The following LCOR variants were observed in gnomAD, a reference collection of about 807,000 sequenced individuals.
LCOR encodes ligand-dependent corepressor.
LCOR carries 14 observed loss-of-function variants against 64.4 expected under a neutral mutation model. The observed-to-expected ratio is 0.22, with a 90% confidence interval of 0.14 to 0.34. The LOEUF (loss-of-function observed/expected upper bound fraction) is 0.34. Ranked by LOEUF, LCOR falls within the 10% of genes least tolerant of loss-of-function variation. The pLI, the probability that LCOR is intolerant of heterozygous loss-of-function variation, is 1.00. For missense variants in LCOR, 1,686 were observed against 1,765.3 expected (o/e 0.96, Z 0.80); for synonymous variants, 643 against 642.5 (o/e 1.00, Z -0.01).
chr10:96,971,997 C>T (rs969786577), intron 7 of LCOR, among the ~76,000 whole-genome samples: 2 of 151,946 alleles, frequency 1.3e-5, no homozygotes, highest in Non-Finnish European at 2.9e-5. Context: ...GTTCTACCCC[C>T]AGAACATCTC....
Position 96,896,538 on chromosome 10 carries a change from C to T in LCOR, c.-329-10727C>T, listed in dbSNP as rs567635792. On this transcript the variant is annotated intron_variant, in intron 2 of 7. Coordinates refer to ENST00000421806, the MANE Select transcript of LCOR (RefSeq NM_001346516.2). ...ACCCAGGCTCAAGCGATTCTCCCGCCTCAGCCTCCCAAGTAGCTGGGACTA... is the reference window on the plus strand; with the variant it reads ...ACCCAGGCTCAAGCGATTCTCCCGCTTCAGCCTCCCAAGTAGCTGGGACTA... Among the ~76,000 whole-genome samples the T allele has an allele frequency of 1.1e-4, 16 of 152,202 alleles. No individual in the cohort carries two copies. The South Asian group carries it at 3.1e-3, about 30-fold the overall frequency.
At chr10:96,931,164 G>C (rs1847252354) in intron 4 of LCOR, among the ~76,000 whole-genome samples, 1 of 151,324 alleles carries the variant, frequency 6.6e-6, no homozygotes, top group South Asian at 2.1e-4. Context: ...AAATATCTCA[G>C]CCCATTTAGT....
chr10:96,963,326 CAA>C (rs996375551), intron 7 of LCOR: 1 of 152,176 alleles, frequency 6.6e-6, no homozygotes, highest in African/African-American at 2.4e-5. Context: ...ACAACTAAAA[CAA>C]AAGACATTCC....
At chr10:96,868,296 A>T (rs1309319686) in intron 2 of LCOR, among the ~76,000 whole-genome samples, 2 of 136,472 alleles carry the variant, frequency 1.5e-5, no homozygotes, top group Non-Finnish European at 3.1e-5. Context: ...TTTTTTTGAG[A>T]TGGAGTCTTG....
intron 4 of LCOR, among the ~76,000 whole-genome samples, chr10:96,918,278 A>G (rs1252242257): frequency 6.6e-6 from 1 of 152,122 alleles, no homozygotes; most frequent in African/African-American, 2.4e-5. Flanking sequence ...ATGTTTGTCA[A>G]ACTAATGTGG....
intron 7 of LCOR, among the ~76,000 whole-genome samples, chr10:96,970,139 T>C (rs2134553736): frequency 6.6e-6 from 1 of 151,630 alleles, no homozygotes; most frequent in East Asian, 2.0e-4. Flanking sequence ...GGGTCACGCC[T>C]GTAATCCCAG....
chr10:96,842,332 T>C (rs1845555534), intron 2 of LCOR, among the ~76,000 whole-genome samples: 1 of 152,046 alleles, frequency 6.6e-6, no homozygotes, highest in African/African-American at 2.4e-5. Flanking sequence ...GAGGTGGAGT[T>C]GCAGTGAGCC....
chr10:96,887,907 A>G (rs1414898846), intron 2 of LCOR, among the ~76,000 whole-genome samples: 4 of 151,190 alleles, frequency 2.6e-5, no homozygotes, highest in Admixed American at 1.3e-4. Flanking sequence ...TCTTGAACTC[A>G]TGAATCCAGG....
chr10:96,847,650 A>C (rs1035660739), intron 2 of LCOR, among the ~76,000 whole-genome samples: 3 of 152,146 alleles, frequency 2.0e-5, no homozygotes, highest in Non-Finnish European at 4.4e-5. Flanking sequence ...CATGTTGGTC[A>C]GGCTGTTCTC....
chr10:96,978,000 G>C (rs1848052018), intron 7 of LCOR, among the ~76,000 whole-genome samples: 1 of 152,222 alleles, frequency 6.6e-6, no homozygotes, highest in African/African-American at 2.4e-5. Context: ...TTTGGACAAG[G>C]TCACATAACT....
chr10:96,840,423 G>A (rs1483225360), intron 2 of LCOR, among the ~76,000 whole-genome samples: 2 of 152,100 alleles, frequency 1.3e-5, no homozygotes, highest in Non-Finnish European at 2.9e-5. Flanking sequence ...ATAATTGAGG[G>A]TAATAGAAGG....
intron 6 of LCOR, among the ~76,000 whole-genome samples, chr10:96,951,684 T>G (rs1308432469): frequency 6.6e-6 from 1 of 152,172 alleles, no homozygotes; most frequent in Non-Finnish European, 1.5e-5. Flanking sequence ...CAGGTAGATT[T>G]AGCTCTTGAG....
chr10:96,889,959 T>G (rs578008956), intron 2 of LCOR, among the ~76,000 whole-genome samples: 2 of 152,200 alleles, frequency 1.3e-5, no homozygotes, highest in African/African-American at 4.8e-5. Context: ...GTAATTCTAT[T>G]TTTAACTTTT....
Position 96,907,783 on chromosome 10 carries a change from A to T in LCOR, c.-184+36A>T, listed in dbSNP as rs1198848018. The T allele has an allele frequency of 4.4e-6, 3 of 678,934 alleles. No individual in the cohort carries two copies. In the East Asian group the frequency reaches 4.0e-4, roughly 91 times the overall value. 42.1% of individuals were successfully genotyped at this position (678,934 alleles called of 1,614,324 possible). A position where few individuals can be genotyped will look rare whatever the true frequency, so the allele number is the denominator to read the frequency against. ...AGCCTGTGAAACTTTTATTTAGTGT[A>T]GTATTTTAAAGTTTTCATCTTTTAA... On this transcript the variant is annotated intron_variant, in intron 4 of 7. Transcript: ENST00000421806.
intron 7 of LCOR, chr10:96,958,933 A>C (rs1031327287): frequency 1.3e-5 from 2 of 151,706 alleles, no homozygotes; most frequent in African/African-American, 4.9e-5. Flanking sequence ...AAAAACAAAA[A>C]GCTGCTGGAA....
At position 96,922,255 on chromosome 10, in the gene LCOR, C is replaced by T. The variant is rs912804046; in HGVS notation, c.-184+14508C>T. On this transcript the variant is annotated intron_variant, in intron 4 of 7. Transcript: ENST00000421806. ...ATTTAAAATCAACAACTATATATTT[C>T]GTTCTTCCTACATCAGAAGGACCAG... is the stretch of plus-strand genomic sequence containing the variant. Among the ~76,000 whole-genome samples, 6 of 151,360 alleles carry T rather than the reference C, an allele frequency of 4.0e-5. No homozygotes were observed. In the South Asian group the frequency reaches 6.3e-4, roughly 16 times the overall value.
intron 2 of LCOR, among the ~76,000 whole-genome samples, chr10:96,837,241 T>C (rs560556691): frequency 2.0e-4 from 31 of 152,064 alleles, no homozygotes; most frequent in South Asian, 4.2e-4. Context: ...CTGCCCGCCT[T>C]GGCCTCCCAA....
Position 96,966,737 on chromosome 10 carries a change from G to T in LCOR, c.333-14056G>T, listed in dbSNP as rs186352881. Among the ~76,000 whole-genome samples the T allele has an allele frequency of 2.9e-3, 436 of 152,164 alleles. 1 individual carries two copies. Among genetic ancestry groups the T allele is most frequent in the Non-Finnish European group, 2.9e-3 (194 of 68,002 alleles). ...TTATTTATCAGATTCTTAACAGAAT[G>T]TTGAACTTCCGTTGTTTGACAGGAT... On this transcript the variant is annotated intron_variant, in intron 7 of 7. Coordinates refer to ENST00000421806, the MANE Select transcript of LCOR (RefSeq NM_001346516.2).
At chr10:96,869,363 C>G (rs1411494424) in intron 2 of LCOR, among the ~76,000 whole-genome samples, 1 of 152,026 alleles carries the variant, frequency 6.6e-6, no homozygotes, top group Non-Finnish European at 1.5e-5. Context: ...CAGGCATGTG[C>G]TACCACGGCC....
Sources: allele counts gnomAD v4.1 joint callset (sites outside exome capture counted in the v4.1 genomes callset), GRCh38; gene constraint gnomAD v4.1.1; transcripts MANE v1.5; gene names NCBI Gene and HGNC (gene_info 2026-07-23, HGNC 2026-07-21).